PLA2G4B: variants seen among roughly 807,000 people sequenced by gnomAD.
PLA2G4B encodes the protein cytosolic phospholipase A2 beta.
Under a neutral mutation model 95.8 loss-of-function variants are expected in PLA2G4B, and 122 were observed. The observed-to-expected ratio is 1.27, with a 90% CI of 1.10 to 1.48. The LOEUF (loss-of-function observed/expected upper bound fraction) is 1.48. Among genes scored for constraint, PLA2G4B ranks in the 40% most tolerant of loss-of-function variants. The pLI, the probability that PLA2G4B is intolerant of heterozygous loss-of-function variation, is 0.00. For synonymous variants in PLA2G4B, 518 were observed against 421.5 expected (o/e 1.23, Z -2.80); for missense variants, 1,158 against 996.2 (o/e 1.16, Z -2.19).
chr15:41,842,462 G>C (rs2065451009), intron 9 of PLA2G4B, 92 bp from the exon 10 acceptor site: 2 of 1,548,472 alleles, frequency 1.3e-6, no homozygotes, highest in African/African-American at 2.7e-5. Flanking sequence ...ACGGTGGCGG[G>C]GCGGGGGTGG....
chr15:41,840,646 C>A lies in PLA2G4B; in HGVS notation c.205C>A (p.His69Asn). 3 of 1,613,596 alleles carry A rather than the reference C, an allele frequency of 1.9e-6. No individual in the cohort carries two copies. The highest frequency in any genetic ancestry group is 8.5e-7 in the Non-Finnish European group (1 of 1,179,754). Reference protein sequence around the residue: ...VWNQSFHFRIHRQLKNVMELK... With the variant: ...VWNQSFHFRINRQLKNVMELK... ...GAACCAGAGCTTTCACTTCAGGATC[C>A]ACAGGCAGCTCAAGGTGGGCCAGGC... The change falls in exon 3 of 20, where the codon CAC (histidine) becomes AAC (asparagine). Residue 69 changes from histidine (H) to asparagine (N), a missense_variant. Physicochemically the swap from His to Asn is moderately conservative, Grantham distance 68. Coordinates refer to ENST00000458483, the MANE Select transcript of PLA2G4B (RefSeq NM_001114633.2).
Position 41,847,672 on chromosome 15 carries a change from G to T in PLA2G4B, c.2158G>T (p.Ala720Ser), listed in dbSNP as rs769536845. 1 of 1,613,670 alleles carries T rather than the reference G, an allele frequency of 6.2e-7. No homozygotes were observed. Among genetic ancestry groups the T allele is most frequent in the Admixed American group, 1.7e-5 (1 of 60,028 alleles). ...AGGGGTCCGGCGGACACCCGAGGAG[G>T]CGGCAGCTGGGGAGGTGAACCTGTC... ...APGVRRTPEE[A>S]AAGEVNLSSS... The change falls in exon 20 of 20, where the codon GCG (alanine) becomes TCG (serine). Residue 720 changes from alanine to serine, a missense_variant. Ala to Ser is a moderately conservative substitution (Grantham distance 99). Transcript: ENST00000458483.
At chr15:41,845,570 G>A (rs2065523729) in intron 14 of PLA2G4B, 68 bp from the exon 15 acceptor site, 1 of 1,590,734 alleles carries the variant, frequency 6.3e-7, no homozygotes, top group Non-Finnish European at 8.5e-7. Flanking sequence ...GCAAAACCCT[G>A]GGTCGGGGTG....
intron 10 of PLA2G4B, 89 bp downstream of exon 10, chr15:41,842,680 A>G: frequency 5.2e-6 from 8 of 1,540,922 alleles, no homozygotes; most frequent in Non-Finnish European, 7.0e-6. Context: ...AGGGGGAGAA[A>G]CAGCCGCCCC....
Position 41,845,297 on chromosome 15 carries a change from G to A in PLA2G4B, c.1334G>A (p.Ser445Asn). Residue 445 changes from serine to asparagine, a missense_variant, in exon 14 of 20, where the codon AGC becomes AAC. By Grantham distance (46) the Ser-to-Asn change is conservative (BLOSUM62 1). Transcript: ENST00000458483. ...IYCALNTKGQ[S>N]LTTFEFGEWC... ...TGTGCCCTCAACACCAAAGGGCAGAGCCTGACCACTTTTGAATTTGGGGGT... is the reference window on the plus strand; with the variant it reads ...TGTGCCCTCAACACCAAAGGGCAGAACCTGACCACTTTTGAATTTGGGGGT... The A allele has an allele frequency of 6.2e-7, 1 of 1,614,090 alleles. No homozygotes were observed. Among genetic ancestry groups the A allele is most frequent in the Non-Finnish European group, 8.5e-7 (1 of 1,179,956 alleles).
At chr15:41,840,681 G>T in intron 3 of PLA2G4B, 21 bp downstream of exon 3, 1 of 1,609,680 alleles carries the variant, frequency 6.2e-7, no homozygotes, top group East Asian at 2.2e-5. Flanking sequence ...CATCAGCGCT[G>T]ACTCTACCCA....
intron 8 of PLA2G4B, 54 bp from the exon 9 acceptor site, chr15:41,842,139 T>A: frequency 6.2e-7 from 1 of 1,606,804 alleles, no homozygotes; most frequent in Admixed American, 1.7e-5. Flanking sequence ...GTGAGGTCTT[T>A]GCTAGGAGTG....
intron 19 of PLA2G4B, 47 bp from the exon 20 acceptor site, chr15:41,847,602 T>G: frequency 6.2e-7 from 1 of 1,612,532 alleles, no homozygotes; most frequent in Non-Finnish European, 8.5e-7. Flanking sequence ...TCCAAACCTG[T>G]CTTCCCCACA....
Position 41,846,775 on chromosome 15 carries a change from G to A in PLA2G4B, c.1887G>A (p.Gln629=). The A allele has an allele frequency of 6.2e-7, 1 of 1,613,966 alleles. No homozygotes were observed. The highest frequency in any genetic ancestry group is 8.5e-7 in the Non-Finnish European group (1 of 1,179,950). Residue 629 remains glutamine (Q), a synonymous_variant, in exon 18 of 20, where the codon CAG becomes CAA. Transcript: ENST00000458483. ...ATACCAGCTGCCTGCCCCTCCTGCA[G>A]CCCACTCGGGACGTGGACCTCATCC... is the stretch of plus-strand genomic sequence containing the variant. ...LINTSCLPLL[Q]PTRDVDLILS... is the part of the protein sequence containing the mutation.
chr15:41,846,343 A>G lies in PLA2G4B; in HGVS notation c.1741A>G (p.Lys581Glu). Residue 581 changes from lysine to glutamate, a missense_variant, in exon 17 of 20, where the codon AAA becomes GAA. Coordinates refer to ENST00000458483, the MANE Select transcript of PLA2G4B (RefSeq NM_001114633.2). ...HNFLRGLHFH[K>E]DYFQHPHFST... Reference sequence around the variant, plus strand: ...TTTCCTGCGTGGCCTCCATTTCCACAAAGACTACTTTCAGCATCCTCACTT... The same window carrying G: ...TTTCCTGCGTGGCCTCCATTTCCACGAAGACTACTTTCAGCATCCTCACTT... 6.2e-7 allele frequency: 1 copy of G among 1,610,104 alleles called. No individual in the cohort carries two copies. The highest frequency in any genetic ancestry group is 8.5e-7 in the Non-Finnish European group (1 of 1,176,536).
Position 41,847,920 on chromosome 15 carries a change from G to T in PLA2G4B, c.*60G>T. The T allele has an allele frequency of 6.4e-7, 1 of 1,555,258 alleles. No individual in the cohort carries two copies. The highest frequency in any genetic ancestry group is 2.4e-5 in the East Asian group (1 of 42,482). ...ATTCCCTGGCTGCTGAGTTGCAGGT[G>T]GGAACTGTCATCACGCAGTGCTTCA... On this transcript the variant is annotated 3_prime_UTR_variant, in exon 20 of 20. Coordinates refer to ENST00000458483, the MANE Select transcript of PLA2G4B (RefSeq NM_001114633.2).
intron 14 of PLA2G4B, 145 bp from the exon 15 acceptor site, chr15:41,845,493 G>T: frequency 6.8e-7 from 1 of 1,469,410 alleles, no homozygotes; most frequent in South Asian, 1.4e-5. Flanking sequence ...GGAGGCAGGG[G>T]CCTTAGGTCC....
chr15:41,844,875 A>G lies in PLA2G4B; in HGVS notation c.1044A>G (p.Pro348=). The change falls in exon 13 of 20, where the codon CCA becomes CCG. Residue 348 remains proline, a synonymous_variant. Transcript: ENST00000458483. ...CCTTGGCCAACCTTTATGAGGACCC[A>G]GAGTGGTCTCAGAAGGACCTGGCAG... ...TWALANLYED[P]EWSQKDLAGP... The G allele has an allele frequency of 6.2e-7, 1 of 1,610,058 alleles. No individual in the cohort carries two copies. Among genetic ancestry groups the G allele is most frequent in the Non-Finnish European group, 8.5e-7 (1 of 1,178,512 alleles).
rs748035686 is a variant in PLA2G4B, at chr15:41,845,660, C to T, written c.1380C>T (p.Tyr460=). 1.1e-5 allele frequency: 18 copies of T among 1,614,004 alleles called. No homozygotes were observed. The highest frequency in any genetic ancestry group is 5.0e-5 in the Admixed American group (3 of 59,982). The change falls in exon 15 of 20, where the codon TAC becomes TAT. Residue 460 remains tyrosine (Y), a synonymous_variant. Coordinates refer to ENST00000458483, the MANE Select transcript of PLA2G4B (RefSeq NM_001114633.2). Reference sequence around the variant, plus strand: ...CAGAGTGGTGCGAGTTCTCTCCCTACGAGGTCGGCTTCCCCAAGTACGGGG... The same window carrying T: ...CAGAGTGGTGCGAGTTCTCTCCCTATGAGGTCGGCTTCCCCAAGTACGGGG... The part of the protein sequence containing the change: ...EFGEWCEFSP[Y]EVGFPKYGAF...
chr15:41,842,373 A>C (rs980946589), intron 9 of PLA2G4B, 97 bp downstream of exon 9: 2 of 1,567,450 alleles, frequency 1.3e-6, no homozygotes, highest in Non-Finnish European at 8.7e-7. Context: ...CGTGGGTCAC[A>C]CCCTGAGCAG....
Position 41,843,829 on chromosome 15 carries a change from G to T in PLA2G4B, c.879+18G>T. 6.2e-7 allele frequency: 1 copy of T among 1,612,362 alleles called. No individual in the cohort carries two copies. The highest frequency in any genetic ancestry group is 1.3e-5 in the African/African-American group (1 of 75,028). ...AGGATGAGGTTTGGGGGCTGGGCTG[G>T]ATGGGGTGTCCCCGGGCTTGCTTGG... On this transcript the variant is annotated intron_variant, in intron 11 of 19. Coordinates refer to ENST00000458483, the MANE Select transcript of PLA2G4B (RefSeq NM_001114633.2).
rs1202673199 is a variant in PLA2G4B, at chr15:41,840,196, C to T, written c.48C>T (p.Val16=). 1.2e-6 allele frequency: 2 copies of T among 1,613,330 alleles called. No homozygotes were observed. Among genetic ancestry groups the T allele is most frequent in the African/African-American group, 1.3e-5 (1 of 75,038 alleles). The change falls in exon 2 of 20, where the codon GTC becomes GTT. Residue 16 remains valine, a synonymous_variant. Coordinates refer to ENST00000458483, the MANE Select transcript of PLA2G4B (RefSeq NM_001114633.2). Reference sequence around the variant, plus strand: ...GGACCTGCCTGCTCACGGTTCGTGTCCTGCAGGCCCATCGCCTACCCTCTA... The same window carrying T: ...GGACCTGCCTGCTCACGGTTCGTGTTCTGCAGGCCCATCGCCTACCCTCTA... ...VSRTCLLTVR[V]LQAHRLPSKD... is the part of the protein sequence containing the mutation.
chr15:41,846,649 T>C lies in PLA2G4B; in HGVS notation c.1781-20T>C. 1 of 1,587,196 alleles carries C rather than the reference T, an allele frequency of 6.3e-7. No individual in the cohort carries two copies. Among genetic ancestry groups the C allele is most frequent in the South Asian group, 1.1e-5 (1 of 88,732 alleles). On this transcript the variant is annotated intron_variant, in intron 17 of 19. Transcript: ENST00000458483. Reference sequence around the variant, plus strand: ...TACCCTTGGTATCTGTGACAATTGCTGCTCTCCCCAACCTTCCAGCTACCA... The same window carrying C: ...TACCCTTGGTATCTGTGACAATTGCCGCTCTCCCCAACCTTCCAGCTACCA...
chr15:41,846,485 T>G (rs756402467), intron 17 of PLA2G4B, 103 bp downstream of exon 17: 393 of 1,520,752 alleles, frequency 2.6e-4, no homozygotes, highest in Non-Finnish European at 3.3e-4. Context: ...TTGAGCTTGA[T>G]TCCCTGGACT....
Sources: allele counts gnomAD v4.1 joint callset, GRCh38; gene constraint gnomAD v4.1.1; transcripts MANE v1.5; gene names NCBI Gene and HGNC (gene_info 2026-07-23, HGNC 2026-07-21).